Variants in PADI2 observed in about 807,000 individuals in gnomAD.
PADI2 encodes protein-arginine deiminase type-2.
A neutral mutation model predicts 81.1 loss-of-function variants in PADI2; 70 were observed. That is an observed-to-expected ratio of 0.86 (90% confidence interval 0.71 to 1.05). PADI2 has a LOEUF of 1.05. Among genes scored for constraint, PADI2 ranks in the 50% least tolerant of loss-of-function variants. PADI2 has a pLI of 0.00. For synonymous variants in PADI2, 338 were observed against 358.0 expected (o/e 0.94, Z 0.63); for missense variants, 853 against 889.9 (o/e 0.96, Z 0.53).
At chr1:17,096,413 T>G (rs896076755) in intron 3 of PADI2, among the ~76,000 whole-genome samples, 2 of 152,274 alleles carry the variant, frequency 1.3e-5, no homozygotes, top group African/African-American at 4.8e-5. Context: ...ATTCCCAAAC[T>G]GCCTTTCTCA....
intron 3 of PADI2, among the ~76,000 whole-genome samples, chr1:17,100,818 C>G (rs571196512): frequency 6.6e-6 from 1 of 151,836 alleles, no homozygotes; most frequent in Non-Finnish European, 1.5e-5. Context: ...CGTGCCACCA[C>G]GCCCAGTTAA....
At chr1:17,084,470 A>G (rs2078370243) in intron 8 of PADI2, 129 bp downstream of exon 8, 1 of 579,632 alleles carries the variant, frequency 1.7e-6, no homozygotes, top group Admixed American at 3.4e-5. Flanking sequence ...GGCATTTCAG[A>G]GAGGCCAAGA....
intron 10 of PADI2, 79 bp from the exon 11 acceptor site, chr1:17,079,494 A>C: frequency 8.0e-7 from 1 of 1,247,222 alleles, no homozygotes. Flanking sequence ...CTCTTTTATC[A>C]CCTTCAGTCT....
intron 5 of PADI2, 90 bp from the exon 6 acceptor site, chr1:17,092,623 T>G: frequency 8.3e-7 from 1 of 1,200,188 alleles, no homozygotes; most frequent in Non-Finnish European, 1.2e-6. Context: ...CAGGAAAAAA[T>G]CCCCATGGAT....
chr1:17,118,123 T>A (rs958073391), intron 1 of PADI2, among the ~76,000 whole-genome samples: 10 of 151,988 alleles, frequency 6.6e-5, no homozygotes, highest in Admixed American at 6.5e-4. Flanking sequence ...CAGGGCTGTG[T>A]GGGGAGACAC....
intron 14 of PADI2, 40 bp from the exon 15 acceptor site, chr1:17,070,256 G>A: frequency 6.2e-7 from 1 of 1,607,450 alleles, no homozygotes; most frequent in Non-Finnish European, 8.5e-7. Context: ...AGGTGAGGGG[G>A]ACACACACCG....
Position 17,119,443 on chromosome 1 carries a change from C to T in PADI2, c.-72G>A. On this transcript the variant is annotated 5_prime_UTR_variant, in exon 1 of 16. Transcript: ENST00000375486. The surrounding 1 kb of genome is among the most constrained non-coding windows in gnomAD (Gnocchi z 4.8). ...GCACCTGCAGCAGGTGCGCCTTCTC[C>T]AGCAGCCTGCGCCCCACGGCCCCGC... 1.7e-6 allele frequency: 2 copies of T among 1,161,404 alleles called. No individual in the cohort carries two copies. Among genetic ancestry groups the T allele is most frequent in the Non-Finnish European group, 2.4e-6 (2 of 840,908 alleles). The allele number at this position is 1,161,404 out of a possible 1,614,324, so 71.9% of individuals were successfully genotyped here.
At chr1:17,112,231 A>G (rs1931608641) in intron 1 of PADI2, among the ~76,000 whole-genome samples, 1 of 152,124 alleles carries the variant, frequency 6.6e-6, no homozygotes, top group South Asian at 2.1e-4. Flanking sequence ...GGTGTCAAAC[A>G]AACGACACTT....
chr1:17,075,687 C>T lies in PADI2; in HGVS notation c.1447G>A (p.Gly483Ser), dbSNP rs371989695. The part of the protein sequence containing the change: ...DEFMSFVPIP[G>S]TKKFLLLMAS... ...TCGGGAGGCTAGCTTACCTTTGTGCCGGGGATGGGGACAAAGGACATGAAC... is the reference window on the plus strand; with the variant it reads ...TCGGGAGGCTAGCTTACCTTTGTGCTGGGGATGGGGACAAAGGACATGAAC... Residue 483 changes from glycine to serine, a missense_variant, in exon 12 of 16, where the codon GGC (glycine) becomes AGC (serine). Transcript: ENST00000375486. The T allele has an allele frequency of 7.7e-5, 124 of 1,610,980 alleles. No individual in the cohort carries two copies. Among genetic ancestry groups the T allele is most frequent in the South Asian group, 2.2e-4 (20 of 90,836 alleles).
chr1:17,075,611 TG>T, intron 12 of PADI2, 67 bp downstream of exon 12: 1 of 1,422,538 alleles, frequency 7.0e-7, no homozygotes. Flanking sequence ...TGCCCTCTGC[TG>T]GCAGGGGCGG....
At chr1:17,092,745 C>A (rs1930748166) in intron 5 of PADI2, among the ~76,000 whole-genome samples, 1 of 151,502 alleles carries the variant, frequency 6.6e-6, no homozygotes, top group Non-Finnish European at 1.5e-5. Flanking sequence ...GGCCAGGAGA[C>A]AAACACCAGC....
At chr1:17,082,903 CT>C (rs1207417586) in intron 9 of PADI2, 14 of 387,968 alleles carry the variant, frequency 3.6e-5, no homozygotes, top group Non-Finnish European at 9.3e-6. Context: ...CAGGGTCTCA[CT>C]CTGTTGCCCA....
In PADI2 at chr1:17,069,275, CACCTGTG is replaced by C; in HGVS notation, c.1765-5_1766del. On this transcript the variant is annotated splice_acceptor_variant and splice_polypyrimidine_tract_variant and coding_sequence_variant and intron_variant, in exon 16 of 16. Transcript: ENST00000375486. LOFTEE classifies it high-confidence loss of function. The stretch of plus-strand genomic sequence containing the variant: ...GGTCCTTGTCCAGCACGATCATGTT[CACCTGTG>C]ACGGGGGATTGCGATGGCAACAGCT... 4 of 1,613,006 alleles carry C rather than the reference CACCTGTG, an allele frequency of 2.5e-6. No homozygotes were observed. Among genetic ancestry groups the C allele is most frequent in the Non-Finnish European group, 3.4e-6 (4 of 1,178,968 alleles).
intron 11 of PADI2, among the ~76,000 whole-genome samples, chr1:17,077,862 G>A (rs879659153): frequency 2.6e-5 from 4 of 152,126 alleles, no homozygotes; most frequent in Non-Finnish European, 5.9e-5. Flanking sequence ...TTTCCCCAGC[G>A]ACTGCCCTGA....
chr1:17,086,708 A>G lies in PADI2; in HGVS notation c.656-9T>C. 1 of 1,610,546 alleles carries G rather than the reference A, an allele frequency of 6.2e-7. No homozygotes were observed. Among genetic ancestry groups the G allele is most frequent in the Non-Finnish European group, 8.5e-7 (1 of 1,177,734 alleles). On this transcript the variant is annotated splice_polypyrimidine_tract_variant and intron_variant, in intron 6 of 15. Coordinates refer to ENST00000375486, the MANE Select transcript of PADI2 (RefSeq NM_007365.3). The stretch of plus-strand genomic sequence containing the variant: ...TTGGCCGAAGAACGGGTCTGGAGGG[A>G]AAAGGACCAACGTCAGACTCCCACC...
At chr1:17,075,910 C>A in intron 11 of PADI2, 87 bp from the exon 12 acceptor site, 1 of 1,323,082 alleles carries the variant, frequency 7.6e-7, no homozygotes, top group South Asian at 1.2e-5. Context: ...GGACCCACCT[C>A]GGACCCAGAG....
In PADI2 at chr1:17,079,300, G is replaced by A. The variant is rs2078326522; in HGVS notation, c.1274C>T (p.Pro425Leu). ...GCTCCCGATGAGGATGCGGCCAAGC[G>A]GGTATGTCTTGCCGTTCACGGTCAC... Reference protein sequence around the residue: ...PPVTVNGKTYPLGRILIGSSF... With the variant: ...PPVTVNGKTYLLGRILIGSSF... The change falls in exon 11 of 16, where the codon CCG (proline) becomes CTG (leucine). Residue 425 changes from proline (P) to leucine (L), a missense_variant. Transcript: ENST00000375486. 5 of 1,614,106 alleles carry A rather than the reference G, an allele frequency of 3.1e-6. No individual in the cohort carries two copies. The highest frequency in any genetic ancestry group is 4.2e-6 in the Non-Finnish European group (5 of 1,179,986).
chr1:17,100,660 ATTTTT>A (rs11380769), intron 3 of PADI2, among the ~76,000 whole-genome samples: 1 of 131,056 alleles, frequency 7.6e-6, no homozygotes, highest in Admixed American at 7.7e-5. Context: ...TTGATAGCAA[ATTTTT>A]TTTTTTTTTT....
At chr1:17,097,700 A>G (rs972939091) in intron 3 of PADI2, among the ~76,000 whole-genome samples, 1 of 152,140 alleles carries the variant, frequency 6.6e-6, no homozygotes, top group African/African-American at 2.4e-5. Context: ...CGGGCTGGTA[A>G]TCTGGGAGGC....
Sources: allele counts gnomAD v4.1 joint callset (sites outside exome capture counted in the v4.1 genomes callset), GRCh38; gene constraint gnomAD v4.1.1; non-coding constraint Gnocchi (gnomAD v3.1); transcripts MANE v1.5; gene names NCBI Gene and HGNC (gene_info 2026-07-23, HGNC 2026-07-21).